Variants in NUP214 observed in about 807,000 individuals in gnomAD.
NUP214 encodes nuclear pore complex protein Nup214.
NUP214 carries 79 observed loss-of-function variants against 196.2 expected under a neutral mutation model. The observed-to-expected ratio is 0.40, with a 90% confidence interval of 0.34 to 0.49. NUP214 has a LOEUF of 0.49. Among genes scored for constraint, NUP214 ranks in the 20% least tolerant of loss-of-function variants. The pLI is 0.58. For synonymous variants in NUP214, 1,020 were observed against 990.5 expected (o/e 1.03, Z -0.56); for missense variants, 2,468 against 2,539.0 (o/e 0.97, Z 0.60).
chr9:131,223,891 C>T (rs963865985), intron 32 of NUP214, among the ~76,000 whole-genome samples: 2 of 150,532 alleles, frequency 1.3e-5, no homozygotes, highest in African/African-American at 4.9e-5. Context: ...CCCGCCACCA[C>T]GCCCGGCTAA....
At chr9:131,210,069 A>C (rs1834194981) in intron 30 of NUP214, among the ~76,000 whole-genome samples, 1 of 152,220 alleles carries the variant, frequency 6.6e-6, no homozygotes, top group Non-Finnish European at 1.5e-5. Context: ...CACTTTAATC[A>C]GACGAAATGG....
Position 131,232,348 on chromosome 9 carries a change from C to CT in NUP214, c.6239+40_6239+41insT. 1 of 1,581,496 alleles carries CT rather than the reference C, an allele frequency of 6.3e-7. No individual in the cohort carries two copies. Among genetic ancestry groups the CT allele is most frequent in the Non-Finnish European group, 8.7e-7 (1 of 1,150,180 alleles). On this transcript the variant is annotated intron_variant, in intron 35 of 35. Transcript: ENST00000359428. This position sits in a 1 kb window ranked among gnomAD's most constrained non-coding sequence, Gnocchi z 5.1. ...TTTTGAGTCTCACCTTAATTAAAAGCATTAAATAAGGTTGGAAGTGTGTGG... is the reference window on the plus strand; with the variant it reads ...TTTTGAGTCTCACCTTAATTAAAAGCTATTAAATAAGGTTGGAAGTGTGTGG...
chr9:131,130,137 G>GTTTTGTTTTTTTTT (rs1564176236), intron 4 of NUP214, among the ~76,000 whole-genome samples: 2 of 76,894 alleles, frequency 2.6e-5, no homozygotes, highest in African/African-American at 5.0e-5. Flanking sequence ...TTCTGGTTTT[G>GTTTTGTTTTTTTTT]TTTTTTTTTT....
intron 18 of NUP214, 175 bp from the exon 19 acceptor site, chr9:131,162,816 A>G: frequency 1.5e-6 from 1 of 649,516 alleles, no homozygotes; most frequent in Non-Finnish European, 2.6e-6. Context: ...TTTTATCTTC[A>G]TTAGGCTTTC....
chr9:131,210,903 A>T (rs956998606), intron 30 of NUP214, among the ~76,000 whole-genome samples: 2 of 152,234 alleles, frequency 1.3e-5, no homozygotes, highest in African/African-American at 4.8e-5. Flanking sequence ...GGATAAATTC[A>T]CAAAAGAAGT....
intron 30 of NUP214, among the ~76,000 whole-genome samples, chr9:131,208,035 C>A (rs980585402): frequency 7.9e-5 from 12 of 151,990 alleles, no homozygotes; most frequent in Non-Finnish European, 1.5e-4. Flanking sequence ...CACTTCACAC[C>A]CCCTAGGATG....
chr9:131,145,929 C>T (rs749200210), intron 12 of NUP214, among the ~76,000 whole-genome samples, 200 bp from the exon 13 acceptor site: 4 of 152,198 alleles, frequency 2.6e-5, no homozygotes, highest in Middle Eastern at 3.4e-3. Flanking sequence ...AATAAGCAGA[C>T]GAAAAGATAA....
In NUP214 at chr9:131,152,758, C is replaced by T. The variant is rs1174068288; in HGVS notation, c.2436+864C>T. ...ATTTGCCTGAGCTCTTTTCTGTATGCTACACTTAACTTTTCTCTTGAAAAA... is the reference window on the plus strand; with the variant it reads ...ATTTGCCTGAGCTCTTTTCTGTATGTTACACTTAACTTTTCTCTTGAAAAA... On this transcript the variant is annotated intron_variant, in intron 17 of 35. Transcript: ENST00000359428. 2.0e-5 allele frequency among the ~76,000 whole-genome samples: 3 copies of T among 152,050 alleles called. No individual in the cohort carries two copies. The East Asian group carries it at 5.8e-4, about 29-fold the overall frequency.
At chr9:131,171,579 T>C (rs1832958707) in intron 21 of NUP214, among the ~76,000 whole-genome samples, 1 of 151,476 alleles carries the variant, frequency 6.6e-6, no homozygotes, top group African/African-American at 2.4e-5. Context: ...ATACTTTAAG[T>C]TTTAGGGTAC....
intron 19 of NUP214, among the ~76,000 whole-genome samples, chr9:131,163,651 A>G (rs1832706685): frequency 6.6e-6 from 1 of 152,074 alleles, no homozygotes; most frequent in South Asian, 2.1e-4. Context: ...TACTTTTTCT[A>G]CTGAGGCACC....
At chr9:131,135,579 T>C (rs1254973381) in intron 8 of NUP214, among the ~76,000 whole-genome samples, 1 of 152,218 alleles carries the variant, frequency 6.6e-6, no homozygotes, top group Non-Finnish European at 1.5e-5. Context: ...ATATTAAAAG[T>C]TTCCTGAGAG....
chr9:131,169,034 G>GTTTTTT (rs58054099), intron 21 of NUP214, among the ~76,000 whole-genome samples: 1 of 124,130 alleles, frequency 8.1e-6, no homozygotes, highest in African/African-American at 3.1e-5. Context: ...GTTTTTTTTT[G>GTTTTTT]TTTTTTTTTT....
Position 131,125,613 on chromosome 9 carries a change from A to C in NUP214, c.-92A>C, listed in dbSNP as rs1279897592. 5.2e-6 allele frequency: 8 copies of C among 1,533,844 alleles called. No homozygotes were observed. Among genetic ancestry groups the C allele is most frequent in the Non-Finnish European group, 7.0e-6 (8 of 1,139,234 alleles). On this transcript the variant is annotated 5_prime_UTR_variant, in exon 1 of 36. Transcript: ENST00000359428. This position sits in a 1 kb window ranked among gnomAD's most constrained non-coding sequence, Gnocchi z 4.1. Reference sequence around the variant, plus strand: ...GGTCAACTGCGCGCCGCTGGCGCTGAGGGGAGGAAGTTTGCTGTCGAGCGG... The same window carrying C: ...GGTCAACTGCGCGCCGCTGGCGCTGCGGGGAGGAAGTTTGCTGTCGAGCGG...
At chr9:131,157,267 C>T (rs1832481051) in intron 17 of NUP214, among the ~76,000 whole-genome samples, 1 of 151,762 alleles carries the variant, frequency 6.6e-6, no homozygotes, top group Admixed American at 6.6e-5. Context: ...CTCAAGTGAT[C>T]CTTCTGCTTC....
chr9:131,216,254 T>C (rs1450733823), intron 31 of NUP214, among the ~76,000 whole-genome samples: 2 of 150,584 alleles, frequency 1.3e-5, no homozygotes, highest in Non-Finnish European at 3.0e-5. Flanking sequence ...AGACAGAGTC[T>C]TGCTCTGTCA....
In NUP214 at chr9:131,198,024, C is replaced by A. The variant is rs1335119818; in HGVS notation, c.4530C>A (p.Val1510=). 6.2e-7 allele frequency: 1 copy of A among 1,614,228 alleles called. No homozygotes were observed. Among genetic ancestry groups the A allele is most frequent in the African/African-American group, 1.3e-5 (1 of 75,060 alleles). Residue 1510 remains valine (V), a synonymous_variant, in exon 29 of 36, where the codon GTC becomes GTA. Coordinates refer to ENST00000359428, the MANE Select transcript of NUP214 (RefSeq NM_005085.4). The stretch of plus-strand genomic sequence containing the variant: ...CTGAGAAGCCAGGTGACAGTGAGGT[C>A]TCAGCATCAGCAGCCTCACTTCTAG... ...ALPEKPGDSE[V]SASAASLLEE... is the part of the protein sequence containing the mutation.
intron 26 of NUP214, 86 bp downstream of exon 26, chr9:131,189,217 A>AT: frequency 9.2e-7 from 1 of 1,092,858 alleles, no homozygotes; most frequent in Non-Finnish European, 1.4e-6. Context: ...GACAGTTGCC[A>AT]TAGGAAACAG....
At chr9:131,205,660 G>A (rs2131061480) in intron 30 of NUP214, among the ~76,000 whole-genome samples, 1 of 152,260 alleles carries the variant, frequency 6.6e-6, no homozygotes, top group East Asian at 1.9e-4. Flanking sequence ...GAAATAAAAT[G>A]TACTGCTCCT....
chr9:131,201,795 C>T (rs915565672), intron 30 of NUP214, 78 bp downstream of exon 30: 7 of 1,213,522 alleles, frequency 5.8e-6, no homozygotes, highest in Middle Eastern at 1.9e-4. Flanking sequence ...GTAGTCAGTT[C>T]GTGTTGTATA....
Sources: gnomAD v4.1 joint callset for allele counts (sites outside exome capture counted in the v4.1 genomes callset) on GRCh38, gnomAD v4.1.1 for gene constraint, Gnocchi (gnomAD v3.1) non-coding constraint, MANE v1.5 for transcripts, NCBI Gene and HGNC (gene_info 2026-07-23, HGNC 2026-07-21) for gene names.